UBAP1L: variants seen among roughly 807,000 people sequenced by gnomAD.
UBAP1L encodes ubiquitin associated protein 1 like, also known as ubiquitin-associated protein 1-like.
A neutral mutation model predicts 32.1 loss-of-function variants in UBAP1L; 32 were observed. The observed-to-expected ratio is 1.00, with a 90% CI of 0.75 to 1.34. UBAP1L has a LOEUF of 1.34. Ranked by LOEUF, UBAP1L falls within the 40% of genes most tolerant of loss-of-function variation. UBAP1L has a pLI of 0.00. For synonymous variants in UBAP1L, 243 were observed against 250.2 expected (o/e 0.97, Z 0.27); for missense variants, 516 against 540.5 (o/e 0.95, Z 0.45).
At chr15:65,104,251 C>T (rs1413233189) in intron 2 of UBAP1L, among the ~76,000 whole-genome samples, 3 of 141,112 alleles carry the variant, frequency 2.1e-5, no homozygotes, top group African/African-American at 5.3e-5. Flanking sequence ...GAGACTCTGT[C>T]GAAAGGAAGG....
chr15:65,101,920 G>C (rs572111084), intron 3 of UBAP1L, among the ~76,000 whole-genome samples, 186 bp downstream of exon 3: 66 of 152,318 alleles, frequency 4.3e-4, no homozygotes, highest in Non-Finnish European at 8.1e-4. Context: ...TCTGAGCAGG[G>C]ACTACTCTAC....
At chr15:65,096,544 T>C (rs1248427997) in intron 4 of UBAP1L, 1 of 152,250 alleles carries the variant, frequency 6.6e-6, no homozygotes, top group African/African-American at 2.4e-5. Flanking sequence ...TTCTGCTGCT[T>C]GGTTAGCTTT....
intron 1 of UBAP1L, among the ~76,000 whole-genome samples, chr15:65,112,322 C>T (rs1292820095): frequency 3.9e-5 from 6 of 152,198 alleles, no homozygotes; most frequent in African/African-American, 7.2e-5. Flanking sequence ...GAACTATGAA[C>T]TTCAGGCTGA....
intron 2 of UBAP1L, chr15:65,105,804 G>C (rs1318387119): frequency 1.4e-6 from 1 of 708,596 alleles, no homozygotes; most frequent in East Asian, 2.7e-5. Context: ...TGCTGAATTT[G>C]TTTTTGAGAC....
chr15:65,103,817 C>T (rs1241394474), intron 2 of UBAP1L, among the ~76,000 whole-genome samples: 1 of 152,140 alleles, frequency 6.6e-6, no homozygotes, highest in East Asian at 1.9e-4. Context: ...GGCAAAAAGA[C>T]TTCAGAACTA....
At chr15:65,105,948 A>G in intron 2 of UBAP1L, 148 bp downstream of exon 2, 3 of 1,146,138 alleles carry the variant, frequency 2.6e-6, no homozygotes, top group Non-Finnish European at 3.7e-6. Flanking sequence ...GCGTCACCAC[A>G]CCCAGCTAAT....
chr15:65,112,129 G>A (rs1052514934), intron 1 of UBAP1L, among the ~76,000 whole-genome samples: 2 of 152,206 alleles, frequency 1.3e-5, no homozygotes, highest in African/African-American at 4.8e-5. Context: ...CATTGGAGAA[G>A]CTTCAGGAAG....
chr15:65,112,232 T>C (rs1406576102), intron 1 of UBAP1L, among the ~76,000 whole-genome samples: 1 of 152,136 alleles, frequency 6.6e-6, no homozygotes, highest in East Asian at 1.9e-4. Flanking sequence ...AGTGACAAGT[T>C]GCTGGACTTA....
intron 1 of UBAP1L, among the ~76,000 whole-genome samples, chr15:65,110,715 A>G (rs950936395): frequency 1.3e-5 from 2 of 151,932 alleles, no homozygotes; most frequent in African/African-American, 2.4e-5. Flanking sequence ...AAAGAAAAGA[A>G]AAAGAACAAA....
chr15:65,105,796 C>T (rs2087302171), intron 2 of UBAP1L: 1 of 706,742 alleles, frequency 1.4e-6, no homozygotes, highest in African/African-American at 1.7e-5. Context: ...AAAAAGAGTG[C>T]TGAATTTGTT....
intron 2 of UBAP1L, among the ~76,000 whole-genome samples, chr15:65,103,374 T>C (rs1271930201): frequency 3.3e-5 from 5 of 152,218 alleles, no homozygotes; most frequent in African/African-American, 1.2e-4. Flanking sequence ...AAAAAAGCAA[T>C]CTGGAGTCCA....
intron 3 of UBAP1L, chr15:65,100,438 G>A (rs2087228026): frequency 6.6e-6 from 1 of 152,270 alleles, no homozygotes; most frequent in Non-Finnish European, 1.5e-5. Context: ...CAGATGAGCA[G>A]GGGTAGGTCT....
intron 1 of UBAP1L, among the ~76,000 whole-genome samples, chr15:65,109,594 A>G (rs1309324265): frequency 1.3e-5 from 2 of 152,156 alleles, no homozygotes; most frequent in East Asian, 1.9e-4. Context: ...CAACAAATCT[A>G]TATGACAAAG....
rs572107833 is a variant in UBAP1L, at chr15:65,109,294, T to C, written c.-173-2906A>G. ...GTCAGGAGATCGAGACCATTCTGGC[T>C]AACATGGTGAAACCCCGTCTCTACT... On this transcript the variant is annotated intron_variant, in intron 1 of 5. Coordinates refer to ENST00000559089, the MANE Select transcript of UBAP1L (RefSeq NM_001163692.2). 2.3e-4 allele frequency among the ~76,000 whole-genome samples: 35 copies of C among 151,608 alleles called. 2 individuals are homozygous for C. In the South Asian group the frequency reaches 6.2e-3, roughly 27 times the overall value.
rs2087260597 is a variant in UBAP1L at position 65,102,810 on chromosome 15, GC to G, written c.121-127del. Reference sequence around the variant, plus strand: ...AAGCCTGGACAGCGTCAGATTCTGAGCCCCGGGCTTCCATCACAGCCCACTC... The same window carrying G: ...AAGCCTGGACAGCGTCAGATTCTGAGCCCGGGCTTCCATCACAGCCCACTC... On this transcript the variant is annotated intron_variant, in intron 2 of 5. Transcript: ENST00000559089. The surrounding 1 kb of genome is among the most constrained non-coding windows in gnomAD (Gnocchi z 5.0). 8.0e-6 allele frequency: 7 copies of G among 877,328 alleles called. No homozygotes were observed. Among genetic ancestry groups the G allele is most frequent in the Non-Finnish European group, 1.2e-5 (7 of 604,774 alleles). The allele number at this position is 877,328 out of a possible 1,614,324, so 54.3% of individuals were successfully genotyped here.
intron 1 of UBAP1L, among the ~76,000 whole-genome samples, chr15:65,113,496 C>G (rs1231791914): frequency 6.6e-6 from 1 of 152,254 alleles, no homozygotes; most frequent in African/African-American, 2.4e-5. Context: ...ATCTGTAATC[C>G]CAGCACTTTG....
chr15:65,100,642 G>A (rs773947844), intron 3 of UBAP1L: 5 of 152,220 alleles, frequency 3.3e-5, no homozygotes, highest in African/African-American at 1.2e-4. Flanking sequence ...AGCCCTGAAC[G>A]TTTCATCCTG....
intron 3 of UBAP1L, 36 bp from the exon 4 acceptor site, chr15:65,099,750 C>G: frequency 1.3e-6 from 2 of 1,495,684 alleles, no homozygotes; most frequent in Non-Finnish European, 1.8e-6. Context: ...TCAGTTACTA[C>G]AGGAAGTGAC....
In UBAP1L at chr15:65,095,402, A is replaced by C. The variant is rs2087161385; in HGVS notation, c.910-826T>G. The C allele has an allele frequency of 2.6e-5, 4 of 152,142 alleles. No homozygotes were observed. The South Asian group carries it at 8.3e-4, about 32-fold the overall frequency. The allele number at this position is 152,142 out of a possible 1,614,324, so 9.4% of individuals were successfully genotyped here. ...GCACATATAACTTTGTAATTGCTTC[A>C]CTCAATCTTTCTCATCCACGAAGTT... On this transcript the variant is annotated intron_variant, in intron 4 of 5. Coordinates refer to ENST00000559089, the MANE Select transcript of UBAP1L (RefSeq NM_001163692.2).
Sources: allele counts gnomAD v4.1 joint callset (sites outside exome capture counted in the v4.1 genomes callset), GRCh38; gene constraint gnomAD v4.1.1; non-coding constraint Gnocchi (gnomAD v3.1); transcripts MANE v1.5; gene names NCBI Gene and HGNC (gene_info 2026-07-23, HGNC 2026-07-21).